The following BLTP3A variants were observed in gnomAD, a reference collection of about 807,000 sequenced individuals.
The protein encoded by BLTP3A is bridge-like lipid transfer protein family member 3A.
At chr6:34,827,236 G>T in the BLTP3A span, among the ~76,000 whole-genome samples, 13 of 151,940 alleles carry the variant, frequency 8.6e-5, no homozygotes, top group Admixed American at 2.0e-4. Context: ...GCTTGAACCC[G>T]GGAGGCAGAG....
At chr6:34,842,356 C>T in the BLTP3A span, among the ~76,000 whole-genome samples, 3 of 152,160 alleles carry the variant, frequency 2.0e-5, no homozygotes, top group Non-Finnish European at 2.9e-5. Context: ...GGTTGTATAA[C>T]GATCTCAATA....
chr6:34,794,574 G>A, the BLTP3A span, among the ~76,000 whole-genome samples: 1 of 152,156 alleles, frequency 6.6e-6, no homozygotes, highest in African/African-American at 2.4e-5. Context: ...TGAAGCACAT[G>A]CCTGAATCCC....
At chr6:34,805,777 G>A in the BLTP3A span, among the ~76,000 whole-genome samples, 23 of 147,654 alleles carry the variant, frequency 1.6e-4, no homozygotes, top group Admixed American at 4.1e-4. Context: ...AGTGCTTAGA[G>A]CAGTACCTGG....
chr6:34,850,677 T>C, the BLTP3A span, among the ~76,000 whole-genome samples: 1 of 152,170 alleles, frequency 6.6e-6, no homozygotes, highest in Non-Finnish European at 1.5e-5. Context: ...TGTCAGCTGA[T>C]TTTTTTCAGC....
At chr6:34,810,762 C>G in the BLTP3A span, among the ~76,000 whole-genome samples, 2 of 152,114 alleles carry the variant, frequency 1.3e-5, no homozygotes, top group East Asian at 3.8e-4. Flanking sequence ...AGCCATTGTG[C>G]CTGGCCAGTT....
the BLTP3A span, among the ~76,000 whole-genome samples, chr6:34,866,691 TTTC>T: frequency 6.6e-6 from 1 of 152,194 alleles, no homozygotes; most frequent in Non-Finnish European, 1.5e-5. Flanking sequence ...GCAGGATGTT[TTTC>T]TTCTTGCGAA....
the BLTP3A span, chr6:34,857,450 C>T: frequency 1.2e-6 from 2 of 1,613,938 alleles, no homozygotes; most frequent in African/African-American, 2.7e-5. Context: ...TATTACTTCC[C>T]AGATAATCAG....
the BLTP3A span, chr6:34,867,222 C>A: frequency 6.2e-7 from 1 of 1,601,410 alleles, no homozygotes; most frequent in Admixed American, 1.8e-5. Context: ...CTTTTTCATG[C>A]AGAGTCTGGT....
At chr6:34,808,125 C>T in the BLTP3A span, among the ~76,000 whole-genome samples, 2 of 151,448 alleles carry the variant, frequency 1.3e-5, no homozygotes, top group Admixed American at 1.3e-4. Context: ...GGGTGGATCA[C>T]CTGAGGTCAG....
the BLTP3A span, among the ~76,000 whole-genome samples, chr6:34,793,511 T>C: frequency 1.3e-5 from 2 of 152,186 alleles, no homozygotes; most frequent in Non-Finnish European, 2.9e-5. Flanking sequence ...CTGCATCCCC[T>C]TTTCCTGGCT....
chr6:34,869,754 T>G, the BLTP3A span, among the ~76,000 whole-genome samples: 3 of 148,416 alleles, frequency 2.0e-5, no homozygotes, highest in Non-Finnish European at 4.4e-5. Context: ...CGGGTTCAAG[T>G]GATTCTCATG....
At chr6:34,846,288 G>A in the BLTP3A span, among the ~76,000 whole-genome samples, 1 of 151,570 alleles carries the variant, frequency 6.6e-6, no homozygotes, top group Non-Finnish European at 1.5e-5. Flanking sequence ...GAGAATACAG[G>A]CACCCACCAC....
chr6:34,823,437 A>G, the BLTP3A span: 2 of 1,085,692 alleles, frequency 1.8e-6, no homozygotes, highest in Non-Finnish European at 1.4e-6. Context: ...TATTATGGAC[A>G]TTTTCAAACT....
the BLTP3A span, chr6:34,836,304 G>A: frequency 7.7e-5 from 125 of 1,614,146 alleles, no homozygotes; most frequent in Admixed American, 4.5e-4. Context: ...CTCATCTCCC[G>A]CCTGGACCTG....
At chr6:34,865,073 CAT>C in the BLTP3A span, among the ~76,000 whole-genome samples, 31 of 152,192 alleles carry the variant, frequency 2.0e-4, 1 homozygote, top group Non-Finnish European at 4.3e-4. Flanking sequence ...TACACACACA[CAT>C]ACAGTGTGGG....
the BLTP3A span, among the ~76,000 whole-genome samples, chr6:34,815,886 G>T: frequency 2.6e-5 from 4 of 152,144 alleles, no homozygotes; most frequent in African/African-American, 9.7e-5. Context: ...GGCCTCAAGT[G>T]ATCTGTCCGC....
the BLTP3A span, chr6:34,823,282 T>C: frequency 3.7e-6 from 6 of 1,614,046 alleles, no homozygotes; most frequent in African/African-American, 5.3e-5. Flanking sequence ...GAGGTGGAGA[T>C]GAAGACATGT....
the BLTP3A span, among the ~76,000 whole-genome samples, chr6:34,809,936 T>G: frequency 2.0e-5 from 3 of 152,182 alleles, no homozygotes; most frequent in African/African-American, 2.4e-5. Context: ...ATTTTGTATA[T>G]GTATTATATA....
At chr6:34,815,566 A>C in the BLTP3A span, among the ~76,000 whole-genome samples, 3 of 152,096 alleles carry the variant, frequency 2.0e-5, no homozygotes, top group African/African-American at 7.2e-5. Flanking sequence ...TGTTTTAAAA[A>C]TGAAATTTTC....
Sources: gnomAD v4.1 joint callset for allele counts (sites outside exome capture counted in the v4.1 genomes callset) on GRCh38, gnomAD v4.1.1 for gene constraint, MANE v1.5 for transcripts, NCBI Gene and HGNC (gene_info 2026-07-23, HGNC 2026-07-21) for gene names.